Variants in SLC25A21 observed in about 807,000 individuals in gnomAD.
SLC25A21 encodes the protein mitochondrial 2-oxodicarboxylate carrier.
Under a neutral mutation model 43.8 loss-of-function variants are expected in SLC25A21, and 47 were observed. The ratio of observed to expected loss-of-function variants is 1.07; its 90% CI spans 0.85 to 1.37. The LOEUF is 1.37. SLC25A21 is among the 40% of genes most tolerant of loss of function. The pLI is 0.00. For synonymous variants in SLC25A21, 131 were observed against 121.3 expected (o/e 1.08, Z -0.52); for missense variants, 352 against 350.2 (o/e 1.00, Z -0.04).
chr14:36,731,804 C>T (rs887946405), intron 4 of SLC25A21, among the ~76,000 whole-genome samples: 9 of 152,140 alleles, frequency 5.9e-5, no homozygotes, highest in African/African-American at 1.9e-4. Context: ...CTCTGTGCAG[C>T]CTGCTCTTCC....
chr14:36,813,855 T>G, intron 3 of SLC25A21, 63 bp downstream of exon 3: 1 of 1,219,896 alleles, frequency 8.2e-7, no homozygotes, highest in Non-Finnish European at 1.2e-6. Context: ...AATAAACCAT[T>G]CGAAATGAGA....
intron 1 of SLC25A21, among the ~76,000 whole-genome samples, chr14:36,907,414 T>C (rs1291015591): frequency 2.0e-5 from 3 of 152,158 alleles, no homozygotes; most frequent in African/African-American, 7.2e-5. Flanking sequence ...ATGTACAACA[T>C]ATTTTTTGAA....
chr14:36,805,897 A>T (rs1167422410), intron 3 of SLC25A21, among the ~76,000 whole-genome samples: 2 of 152,122 alleles, frequency 1.3e-5, no homozygotes, highest in Non-Finnish European at 2.9e-5. Context: ...TGGGAAATGT[A>T]GTGAGAAGGG....
intron 1 of SLC25A21, among the ~76,000 whole-genome samples, chr14:36,927,446 GTTC>G (rs1295417252): frequency 2.6e-5 from 4 of 152,146 alleles, no homozygotes; most frequent in African/African-American, 9.7e-5. Context: ...TATAGTTGGT[GTTC>G]TTAAGATTTG....
At chr14:37,013,993 A>T (rs1960790587) in intron 1 of SLC25A21, among the ~76,000 whole-genome samples, 1 of 152,098 alleles carries the variant, frequency 6.6e-6, no homozygotes. Flanking sequence ...TACAGATCTT[A>T]ATTTCAAAAA....
chr14:36,821,863 A>C (rs1028533212), intron 2 of SLC25A21, among the ~76,000 whole-genome samples: 12 of 152,086 alleles, frequency 7.9e-5, no homozygotes, highest in Admixed American at 5.2e-4. Flanking sequence ...AACAAAACAA[A>C]AATAATAATA....
rs117430380 is a variant in SLC25A21, at chr14:36,923,642, C to T, written c.71-48638G>A. Among the ~76,000 whole-genome samples the T allele has an allele frequency of 5.5e-4, 84 of 152,218 alleles. No homozygotes were observed. In the East Asian group the frequency reaches 0.014, roughly 26 times the overall value. ...TATGTAGAAGCAAGGTGCCTGACAG[C>T]AGTAGCACAAAGGATGGGATGTGAA... is the stretch of plus-strand genomic sequence containing the variant. On this transcript the variant is annotated intron_variant, in intron 1 of 9. Transcript: ENST00000331299.
intron 6 of SLC25A21, 85 bp downstream of exon 6, chr14:36,725,485 A>G: frequency 4.0e-6 from 1 of 248,542 alleles, no homozygotes; most frequent in Non-Finnish European, 6.3e-6. Flanking sequence ...CAAAATAAAT[A>G]AATAAATAAA....
intron 1 of SLC25A21, among the ~76,000 whole-genome samples, chr14:36,893,690 G>C (rs1891153069): frequency 1.3e-5 from 2 of 152,246 alleles, no homozygotes; most frequent in South Asian, 4.1e-4. Context: ...TAACATTTAA[G>C]TCTTTAATCC....
In SLC25A21 at chr14:36,829,746, C is replaced by T. The variant is rs188685394; in HGVS notation, c.120-15745G>A. 2.0e-3 allele frequency among the ~76,000 whole-genome samples: 308 copies of T among 152,302 alleles called. 1 individual carries two copies. Among genetic ancestry groups the T allele is most frequent in the African/African-American group, 7.1e-3 (297 of 41,562 alleles). ...CCATGTCCAGGAGATAAGGACATCACGCAAACGTGCTACCAAGCCCAACCC... is the reference window on the plus strand; with the variant it reads ...CCATGTCCAGGAGATAAGGACATCATGCAAACGTGCTACCAAGCCCAACCC... On this transcript the variant is annotated intron_variant, in intron 2 of 9. Coordinates refer to ENST00000331299, the MANE Select transcript of SLC25A21 (RefSeq NM_030631.4).
intron 6 of SLC25A21, among the ~76,000 whole-genome samples, chr14:36,718,006 T>C (rs1884217332): frequency 6.6e-6 from 1 of 152,124 alleles, no homozygotes; most frequent in Non-Finnish European, 1.5e-5. Context: ...TCTTACTTGA[T>C]TTGTTAAAAA....
At chr14:37,098,786 C>CAGACAGATAGAT (rs1555346899) in intron 1 of SLC25A21, among the ~76,000 whole-genome samples, 12 of 139,204 alleles carry the variant, frequency 8.6e-5, no homozygotes, top group Non-Finnish European at 1.2e-4. Flanking sequence ...GACAGACAGA[C>CAGACAGATAGAT]AGATAGATAG....
At chr14:36,855,452 G>A (rs534379344) in intron 2 of SLC25A21, among the ~76,000 whole-genome samples, 45 of 152,232 alleles carry the variant, frequency 3.0e-4, no homozygotes, top group Admixed American at 1.1e-3. Flanking sequence ...AAGGAGGGGA[G>A]GGAGAAGGCT....
intron 1 of SLC25A21, among the ~76,000 whole-genome samples, chr14:36,928,065 A>G (rs1437931928): frequency 6.6e-6 from 1 of 152,188 alleles, no homozygotes; most frequent in Admixed American, 6.5e-5. Flanking sequence ...TGATTTCTTA[A>G]TATTACCTTG....
intron 2 of SLC25A21, among the ~76,000 whole-genome samples, chr14:36,859,775 TA>T (rs1330531337): frequency 6.6e-6 from 1 of 152,100 alleles, no homozygotes; most frequent in South Asian, 2.1e-4. Context: ...CAAAGAAATA[TA>T]AGAAAAAAAT....
intron 1 of SLC25A21, among the ~76,000 whole-genome samples, chr14:36,961,508 C>T (rs1020389936): frequency 3.3e-5 from 5 of 152,166 alleles, no homozygotes; most frequent in Admixed American, 3.3e-4. Context: ...TATACAAGAC[C>T]TGGAAGACGC....
At chr14:37,027,758 C>T (rs972423250) in intron 1 of SLC25A21, among the ~76,000 whole-genome samples, 1 of 152,162 alleles carries the variant, frequency 6.6e-6, no homozygotes, top group East Asian at 1.9e-4. Flanking sequence ...TTTGGCCTGG[C>T]TTGGTCTCTG....
At chr14:36,844,015 C>T (rs1344694544) in intron 2 of SLC25A21, among the ~76,000 whole-genome samples, 3 of 152,090 alleles carry the variant, frequency 2.0e-5, no homozygotes, top group Non-Finnish European at 2.9e-5. Flanking sequence ...GCTTCCTTAC[C>T]ATTTTGTGTG....
chr14:36,884,429 T>C (rs1172411555), intron 1 of SLC25A21, among the ~76,000 whole-genome samples: 1 of 152,190 alleles, frequency 6.6e-6, no homozygotes, highest in Non-Finnish European at 1.5e-5. Flanking sequence ...AATGCTATGA[T>C]TAACATGGGA....
Sources: gnomAD v4.1 joint callset for allele counts (sites outside exome capture counted in the v4.1 genomes callset) on GRCh38, gnomAD v4.1.1 for gene constraint, MANE v1.5 for transcripts, NCBI Gene and HGNC (gene_info 2026-07-23, HGNC 2026-07-21) for gene names.